Variants in NDST4 observed in about 807,000 individuals in gnomAD.
The protein encoded by NDST4 is N-deacetylase and N-sulfotransferase 4, also known as N-heparan sulfate sulfotransferase 4.
NDST4 carries 63 observed loss-of-function variants against 100.8 expected under a neutral mutation model. That is an observed-to-expected ratio of 0.62 (90% confidence interval 0.51 to 0.77). NDST4 has a LOEUF of 0.77. Among genes scored for constraint, NDST4 ranks in the 30% least tolerant of loss-of-function variants. The probability of loss-of-function intolerance (pLI) is 0.00; values close to 1 mark genes in which losing one functional copy is unlikely to be tolerated. For synonymous variants in NDST4, 377 were observed against 361.8 expected, an observed-to-expected ratio of 1.04 and a Z score of -0.48; for missense variants, 943 against 1,018.4, an observed-to-expected ratio of 0.93 and a Z score of 1.01.
At chr4:114,897,725 C>A (rs1157846991) in intron 6 of NDST4, among the ~76,000 whole-genome samples, 1 of 152,196 alleles carries the variant, frequency 6.6e-6, no homozygotes, top group African/African-American at 2.4e-5. Flanking sequence ...GGGTCCACAT[C>A]CTCACCAGCA....
At chr4:114,986,813 TATATATATATATATA>T (rs1560845352) in intron 2 of NDST4, among the ~76,000 whole-genome samples, 8 of 122,912 alleles carry the variant, frequency 6.5e-5, no homozygotes, top group Admixed American at 8.3e-5. Context: ...TATATATATA[TATATATATATATATA>T]TATATTTTAA....
intron 6 of NDST4, among the ~76,000 whole-genome samples, chr4:114,917,965 C>T (rs1216308725): frequency 1.3e-5 from 2 of 152,086 alleles, no homozygotes; most frequent in Admixed American, 6.5e-5. Context: ...AGATTTATTA[C>T]ATTAAAAATA....
intron 2 of NDST4, among the ~76,000 whole-genome samples, chr4:115,020,717 GA>G (rs531788588): frequency 6.6e-6 from 1 of 150,806 alleles, no homozygotes; most frequent in African/African-American, 2.5e-5. Flanking sequence ...AAATTAGCAA[GA>G]AAAAAACAAA....
chr4:115,097,424 C>G (rs1578519291), intron 1 of NDST4, among the ~76,000 whole-genome samples: 1 of 152,038 alleles, frequency 6.6e-6, no homozygotes, highest in East Asian at 1.9e-4. Context: ...TTTAGGAACT[C>G]TCTTTCTCTC....
rs980928331 is a variant in NDST4, at chr4:115,008,010, T to G, written c.979-30736A>C. On this transcript the variant is annotated intron_variant, in intron 2 of 13. Coordinates refer to ENST00000264363, the MANE Select transcript of NDST4 (RefSeq NM_022569.3). ...ATGGGCACTAAATTTCTTTATTTCC[T>G]TTTCAACTAAATTAGAAACCCTGGG... 3.9e-5 allele frequency among the ~76,000 whole-genome samples: 5 copies of G among 129,764 alleles called. 1 individual carries two copies. The highest frequency in any genetic ancestry group is 6.6e-5 in the Non-Finnish European group (4 of 60,502). The allele number at this position is 129,764 out of a possible 152,430, so 85.1% of individuals were successfully genotyped here.
intron 2 of NDST4, among the ~76,000 whole-genome samples, chr4:115,068,458 T>C (rs479321): frequency 0.24 from 36,808 of 151,868 alleles, 5,992 homozygotes; most frequent in East Asian, 0.46. Context: ...AATACACAAA[T>C]CACTTGCTTC....
At chr4:114,966,191 C>T (rs1488817523) in intron 4 of NDST4, among the ~76,000 whole-genome samples, 1 of 151,996 alleles carries the variant, frequency 6.6e-6, no homozygotes, top group Non-Finnish European at 1.5e-5. Context: ...AAGCATAATA[C>T]ATCCACACAC....
At chr4:115,017,165 C>G (rs1042748388) in intron 2 of NDST4, among the ~76,000 whole-genome samples, 1 of 152,000 alleles carries the variant, frequency 6.6e-6, no homozygotes, top group Non-Finnish European at 1.5e-5. Context: ...ACAGAATGCA[C>G]ATTTAAAAGT....
intron 2 of NDST4, among the ~76,000 whole-genome samples, chr4:114,993,120 A>C (rs539630119): frequency 1.3e-5 from 2 of 152,024 alleles, no homozygotes; most frequent in South Asian, 4.1e-4. Context: ...GATGACACTC[A>C]TATTGCAAAG....
chr4:114,942,006 A>G (rs533875302), intron 4 of NDST4, among the ~76,000 whole-genome samples: 16 of 152,308 alleles, frequency 1.1e-4, no homozygotes, highest in African/African-American at 3.6e-4. Flanking sequence ...TTGGTAAAAC[A>G]CTGCTCAATA....
At chr4:114,939,532 A>AAGGCCTTCT (rs1360491662) in intron 4 of NDST4, among the ~76,000 whole-genome samples, 14 of 152,148 alleles carry the variant, frequency 9.2e-5, no homozygotes, top group African/African-American at 3.1e-4. Flanking sequence ...TGGGGCCTAG[A>AAGGCCTTCT]AGGTTAGATG....
At chr4:114,846,997 C>T (rs1228607862) in intron 9 of NDST4, among the ~76,000 whole-genome samples, 7 of 151,998 alleles carry the variant, frequency 4.6e-5, no homozygotes, top group South Asian at 2.1e-4. Context: ...GATGCAGAGT[C>T]GACACATCTC....
chr4:114,872,445 C>T (rs970873214), intron 6 of NDST4, among the ~76,000 whole-genome samples: 3 of 151,856 alleles, frequency 2.0e-5, no homozygotes, highest in African/African-American at 4.8e-5. Flanking sequence ...GATATCAGTT[C>T]GTTGTTTGAA....
At chr4:114,850,267 T>G (rs1369883463) in intron 8 of NDST4, among the ~76,000 whole-genome samples, 2 of 152,140 alleles carry the variant, frequency 1.3e-5, no homozygotes, top group Non-Finnish European at 2.9e-5. Context: ...AATGTTTAAT[T>G]ACCCTGTTGG....
At chr4:115,092,875 G>A (rs1444211261) in intron 1 of NDST4, among the ~76,000 whole-genome samples, 2 of 152,120 alleles carry the variant, frequency 1.3e-5, no homozygotes, top group African/African-American at 2.4e-5. Flanking sequence ...CACGTTAAAA[G>A]TAAATTAACT....
chr4:115,076,771 G>A lies in NDST4; in HGVS notation c.266C>T (p.Ser89Phe). ...TVLLFVESQY[S>F]QLGQDIIAIL... ...AGCTATGATATCTTGACCGAGTTGA[G>A]AGTATTGGCTCTCCACGAAGAGAAG... The change falls in exon 2 of 14, where the codon TCT becomes TTT. Residue 89 changes from serine (S) to phenylalanine (F), a missense_variant. Ser to Phe is a radical substitution (Grantham distance 155). Around this residue, in one of 2 missense-constraint regions of NDST4, gnomAD observed 417 missense variants for 384.2 expected, o/e 1.09. Transcript: ENST00000264363. 1 of 1,613,974 alleles carries A rather than the reference G, an allele frequency of 6.2e-7. No homozygotes were observed. The highest frequency in any genetic ancestry group is 8.5e-7 in the Non-Finnish European group (1 of 1,179,938).
At position 115,076,480 on chromosome 4, in the gene NDST4, T is replaced by C. The variant is rs769209451; in HGVS notation, c.557A>G (p.Asn186Ser). The C allele has an allele frequency of 3.1e-6, 5 of 1,613,994 alleles. No homozygotes were observed. The highest frequency in any genetic ancestry group is 1.7e-4 in the Middle Eastern group (1 of 6,058). Residue 186 changes from asparagine to serine, a missense_variant, in exon 2 of 14, where the codon AAT (asparagine) becomes AGT (serine). Physicochemically the swap from Asn to Ser is conservative, Grantham distance 46. This residue lies in a region of NDST4 where 417 missense variants were observed against 384.2 expected (regional missense o/e 1.09). Coordinates refer to ENST00000264363, the MANE Select transcript of NDST4 (RefSeq NM_022569.3). ...QLKGFPLNLF[N>S]NLALKDCFVN... ...AAAACAGTCCTTTAGAGCTAGATTA[T>C]TGAAAAGGTTTAACGGAAAGCCTTT...
chr4:114,970,354 C>A, intron 4 of NDST4, 76 bp downstream of exon 4: 3 of 1,282,130 alleles, frequency 2.3e-6, no homozygotes, highest in Non-Finnish European at 2.2e-6. Context: ...ATATTCAACC[C>A]AATACATTAA....
intron 7 of NDST4, among the ~76,000 whole-genome samples, chr4:114,869,455 A>G (rs933827150): frequency 1.3e-5 from 2 of 152,132 alleles, no homozygotes; most frequent in Non-Finnish European, 2.9e-5. Context: ...CAATTTTATA[A>G]AAGTATGTGA....
Sources: gnomAD v4.1 joint callset for allele counts (sites outside exome capture counted in the v4.1 genomes callset) on GRCh38, gnomAD v4.1.1 for gene constraint, gnomAD v4.1.1 regional missense constraint, MANE v1.5 for transcripts, NCBI Gene and HGNC (gene_info 2026-07-23, HGNC 2026-07-21) for gene names.